SNORD118: variants seen among roughly 807,000 people sequenced by gnomAD.
The protein encoded by SNORD118 is small nucleolar RNA, C/D box 118.
In SNORD118 at chr17:8,173,581, C is replaced by T. The variant is rs201266955; in HGVS notation, n.7G>A. ...GAGGAACAGGTAAGGATTATCCCAC[C>T]TGACGATACAGACAAACAGCCGACA... is the stretch of plus-strand genomic sequence containing the variant. On this transcript the variant is annotated non_coding_transcript_exon_variant, in exon 1 of 1. Transcript: ENST00000363593. 3.0e-3 allele frequency: 2,288 copies of T among 764,340 alleles called. 15 individuals are homozygous for T. Among genetic ancestry groups the T allele is most frequent in the Non-Finnish European group, 3.1e-3 (1,306 of 417,400 alleles). The allele number at this position is 764,340 out of a possible 1,614,324, so 47.3% of individuals were successfully genotyped here.
exon 1 of SNORD118, chr17:8,173,480 C>CG: frequency 1.3e-6 from 1 of 764,862 alleles, no homozygotes; most frequent in Non-Finnish European, 2.4e-6. Flanking sequence ...CAGGGTGTTG[C>CG]AAGTCCTGAT....
At chr17:8,173,479 G>T (rs200655899) in exon 1 of SNORD118, 6 of 764,856 alleles carry the variant, frequency 7.8e-6, no homozygotes, top group East Asian at 2.4e-5. Flanking sequence ...TCAGGGTGTT[G>T]CAAGTCCTGA....
exon 1 of SNORD118, chr17:8,173,561 A>T (rs764953239): frequency 1.0e-5 from 8 of 765,270 alleles, no homozygotes; most frequent in Middle Eastern, 2.2e-4. Context: ...CGGAGGAGGA[A>T]CAGGTAAGGA....
chr17:8,173,469 T>C lies in SNORD118; in HGVS notation n.119A>G, dbSNP rs758890705. 1.3e-4 allele frequency: 97 copies of C among 764,380 alleles called. No homozygotes were observed. Among genetic ancestry groups the C allele is most frequent in the South Asian group, 6.3e-4 (47 of 74,538 alleles). The allele number at this position is 764,380 out of a possible 1,614,324, so 47.3% of individuals were successfully genotyped here. The stretch of plus-strand genomic sequence containing the variant: ...GTCAGAAAGAATCAGACAGGAGCAA[T>C]CAGGGTGTTGCAAGTCCTGATTACG... On this transcript the variant is annotated non_coding_transcript_exon_variant, in exon 1 of 1. Transcript: ENST00000363593.
Position 8,173,499 on chromosome 17 carries a change from G to T in SNORD118, n.89C>A, listed in dbSNP as rs9893248. 7.8e-6 allele frequency: 6 copies of T among 765,128 alleles called. No homozygotes were observed. The African/African-American group carries it at 8.5e-5, about 11-fold the overall frequency. 47.4% of individuals were successfully genotyped at this position (765,128 alleles called of 1,614,324 possible). On this transcript the variant is annotated non_coding_transcript_exon_variant, in exon 1 of 1. Transcript: ENST00000363593. ...GTGTTGCAAGTCCTGATTACGCAGA[G>T]ACGTTAATCACGTTTCATGCATCTC...
At position 8,173,517 on chromosome 17, in the gene SNORD118, T is replaced by G. The variant is rs201558321; in HGVS notation, n.71A>C. The G allele has an allele frequency of 7.8e-6, 6 of 765,396 alleles. No homozygotes were observed. The highest frequency in any genetic ancestry group is 1.2e-5 in the Non-Finnish European group (5 of 418,028). The allele number at this position is 765,396 out of a possible 1,614,324, so 47.4% of individuals were successfully genotyped here. A position where few individuals can be genotyped will look rare whatever the true frequency, so the allele number is the denominator to read the frequency against. ...ACGCAGAGACGTTAATCACGTTTCA[T>G]GCATCTCCAATCATCATGTTCTAAT... On this transcript the variant is annotated non_coding_transcript_exon_variant, in exon 1 of 1. Coordinates refer to ENST00000363593, the Ensembl canonical transcript of SNORD118.
At chr17:8,173,482 A>C (rs377598768) in exon 1 of SNORD118, 2 of 764,890 alleles carry the variant, frequency 2.6e-6, no homozygotes, top group African/African-American at 1.7e-5. Context: ...GGGTGTTGCA[A>C]GTCCTGATTA....
rs749582557 is a variant in SNORD118, at chr17:8,173,526, AATC to A, written n.59_61del. ...CGTTAATCACGTTTCATGCATCTCCAATCATCATGTTCTAATCTGCCCTCCGGA... is the reference window on the plus strand; with the variant it reads ...CGTTAATCACGTTTCATGCATCTCCAATCATGTTCTAATCTGCCCTCCGGA... On this transcript the variant is annotated non_coding_transcript_exon_variant, in exon 1 of 1. Coordinates refer to ENST00000363593, the Ensembl canonical transcript of SNORD118. 7.8e-6 allele frequency: 6 copies of A among 765,310 alleles called. No homozygotes were observed. Among genetic ancestry groups the A allele is most frequent in the South Asian group, 2.7e-5 (2 of 74,624 alleles). 47.4% of individuals were successfully genotyped at this position (765,310 alleles called of 1,614,324 possible). A position where few individuals can be genotyped will look rare whatever the true frequency, so the allele number is the denominator to read the frequency against.
At chr17:8,173,537 TC>T in exon 1 of SNORD118, 1 of 765,428 alleles carries the variant, frequency 1.3e-6, no homozygotes, top group Non-Finnish European at 2.4e-6. Flanking sequence ...ATCATCATGT[TC>T]TAATCTGCCC....
At chr17:8,173,469 T>G (rs758890705) in exon 1 of SNORD118, 9 of 764,380 alleles carry the variant, frequency 1.2e-5, no homozygotes, top group African/African-American at 3.4e-5. Flanking sequence ...ACAGGAGCAA[T>G]CAGGGTGTTG....
exon 1 of SNORD118, chr17:8,173,573 T>A (rs369737076): frequency 1.3e-6 from 1 of 764,828 alleles, no homozygotes; most frequent in South Asian, 1.3e-5. Context: ...AGGTAAGGAT[T>A]ATCCCACCTG....
At chr17:8,173,506 A>C in exon 1 of SNORD118, 1 of 765,344 alleles carries the variant, frequency 1.3e-6, no homozygotes, top group Non-Finnish European at 2.4e-6. Flanking sequence ...AGAGACGTTA[A>C]TCACGTTTCA....
At chr17:8,173,498 A>G (rs754138120) in exon 1 of SNORD118, 4 of 765,252 alleles carry the variant, frequency 5.2e-6, no homozygotes, top group Non-Finnish European at 9.6e-6. Flanking sequence ...GATTACGCAG[A>G]GACGTTAATC....
At chr17:8,173,460 C>CAATCAGAT (rs772335566) in exon 1 of SNORD118, 90 of 763,192 alleles carry the variant, frequency 1.2e-4, no homozygotes, top group Admixed American at 3.4e-5. Flanking sequence ...AAGAATCAGA[C>CAATCAGAT]AGGAGCAATC....
rs117573525 is a variant in SNORD118, at chr17:8,173,534, T to G, written n.54A>C. The G allele has an allele frequency of 1.4e-5, 11 of 765,428 alleles. No homozygotes were observed. Among genetic ancestry groups the G allele is most frequent in the South Asian group, 5.4e-5 (4 of 74,616 alleles). The allele number at this position is 765,428 out of a possible 1,614,324, so 47.4% of individuals were successfully genotyped here. A position where few individuals can be genotyped will look rare whatever the true frequency, so the allele number is the denominator to read the frequency against. ...ACGTTTCATGCATCTCCAATCATCA[T>G]GTTCTAATCTGCCCTCCGGAGGAGG... On this transcript the variant is annotated non_coding_transcript_exon_variant, in exon 1 of 1. Transcript: ENST00000363593.
At position 8,173,494 on chromosome 17, in the gene SNORD118, G is replaced by A. The variant is rs749380587; in HGVS notation, n.94C>T. The A allele has an allele frequency of 1.5e-4, 113 of 765,078 alleles. No homozygotes were observed. Among genetic ancestry groups the A allele is most frequent in the Non-Finnish European group, 1.8e-4 (77 of 417,980 alleles). The allele number at this position is 765,078 out of a possible 1,614,324, so 47.4% of individuals were successfully genotyped here. A position where few individuals can be genotyped will look rare whatever the true frequency, so the allele number is the denominator to read the frequency against. On this transcript the variant is annotated non_coding_transcript_exon_variant, in exon 1 of 1. Transcript: ENST00000363593. ...TCAGGGTGTTGCAAGTCCTGATTAC[G>A]CAGAGACGTTAATCACGTTTCATGC...
exon 1 of SNORD118, chr17:8,173,481 A>G (rs753825081): frequency 6.5e-6 from 5 of 764,882 alleles, no homozygotes; most frequent in East Asian, 2.4e-5. Flanking sequence ...AGGGTGTTGC[A>G]AGTCCTGATT....
chr17:8,173,559 G>T lies in SNORD118; in HGVS notation n.29C>A, dbSNP rs9893295. ...TGTTCTAATCTGCCCTCCGGAGGAG[G>T]AACAGGTAAGGATTATCCCACCTGA... On this transcript the variant is annotated non_coding_transcript_exon_variant, in exon 1 of 1. Transcript: ENST00000363593. 6.7e-5 allele frequency: 51 copies of T among 765,200 alleles called. No homozygotes were observed. The East Asian group carries it at 9.2e-4, about 14-fold the overall frequency. The allele number at this position is 765,200 out of a possible 1,614,324, so 47.4% of individuals were successfully genotyped here. A position where few individuals can be genotyped will look rare whatever the true frequency, so the allele number is the denominator to read the frequency against.
exon 1 of SNORD118, chr17:8,173,485 C>A (rs201686383): frequency 2.6e-6 from 2 of 764,944 alleles, no homozygotes; most frequent in Non-Finnish European, 2.4e-6. Flanking sequence ...TGTTGCAAGT[C>A]CTGATTACGC....
Sources: allele counts gnomAD v4.1 joint callset, GRCh38; gene constraint gnomAD v4.1.1; transcripts MANE v1.5; gene names NCBI Gene and HGNC (gene_info 2026-07-23, HGNC 2026-07-21).